The following BCAS4 variants were observed in gnomAD, a reference collection of about 807,000 sequenced individuals.
The protein encoded by BCAS4 is breast carcinoma-amplified sequence 4.
BCAS4 carries 9 observed loss-of-function variants against 15.7 expected under a neutral mutation model. The observed-to-expected ratio is 0.57, with a 90% confidence interval of 0.34 to 1.00. The LOEUF (loss-of-function observed/expected upper bound fraction) is 1.00. Ranked by LOEUF, BCAS4 falls within the 50% of genes least tolerant of loss-of-function variation. The pLI is 0.02. For synonymous variants in BCAS4, 101 were observed against 99.5 expected (o/e 1.02, Z -0.09); for missense variants, 225 against 239.1 (o/e 0.94, Z 0.39).
At chr20:50,864,961 C>T (rs1415722998) in intron 4 of BCAS4, among the ~76,000 whole-genome samples, 5 of 151,754 alleles carry the variant, frequency 3.3e-5, no homozygotes, top group African/African-American at 4.8e-5. Context: ...GGCATGGTGG[C>T]GCATGCCTGT....
chr20:50,848,331 G>A (rs536437890), intron 4 of BCAS4, among the ~76,000 whole-genome samples: 1 of 152,310 alleles, frequency 6.6e-6, no homozygotes, highest in East Asian at 1.9e-4. Flanking sequence ...AGGAGGGGCT[G>A]TGGAAGCTGA....
rs764675901 is a variant in BCAS4 at position 50,841,941 on chromosome 20, C to T, written c.399+41C>T. ...CGAGAAGTGAGGGGAGGGCCTCTCC[C>T]CCTTCGCTCCGCAGACCCCAGCGTG... On this transcript the variant is annotated intron_variant, in intron 4 of 4. Coordinates refer to ENST00000371608, the MANE Select transcript of BCAS4 (RefSeq NM_198799.4). 1.2e-5 allele frequency: 19 copies of T among 1,522,978 alleles called. 1 individual carries two copies. The Admixed American group carries it at 1.7e-4, about 13-fold the overall frequency. The allele number at this position is 1,522,978 out of a possible 1,614,324, so 94.3% of individuals were successfully genotyped here.
At chr20:50,819,901 A>G (rs1252625831) in intron 2 of BCAS4, among the ~76,000 whole-genome samples, 2 of 151,434 alleles carry the variant, frequency 1.3e-5, no homozygotes, top group African/African-American at 2.4e-5. Flanking sequence ...CCCAGGCTGG[A>G]GTGCCGTGAT....
intron 3 of BCAS4, among the ~76,000 whole-genome samples, chr20:50,838,264 C>G (rs142716137): frequency 6.6e-6 from 1 of 152,232 alleles, no homozygotes; most frequent in African/African-American, 2.4e-5. Flanking sequence ...TCAGCAGCTT[C>G]TGTTTTAGAA....
At chr20:50,816,866 G>A (rs1275096885) in intron 1 of BCAS4, among the ~76,000 whole-genome samples, 2 of 135,604 alleles carry the variant, frequency 1.5e-5, no homozygotes, top group South Asian at 2.4e-4. Context: ...GTGCAGTGGT[G>A]TGACCTTGGC....
At chr20:50,875,068 T>C (rs1979853465) in intron 4 of BCAS4, among the ~76,000 whole-genome samples, 2 of 152,204 alleles carry the variant, frequency 1.3e-5, no homozygotes, top group African/African-American at 4.8e-5. Context: ...GCCGTGGTCC[T>C]TACAACCTGG....
chr20:50,854,987 C>CT (rs762223677), intron 4 of BCAS4, among the ~76,000 whole-genome samples: 50 of 152,372 alleles, frequency 3.3e-4, no homozygotes, highest in South Asian at 1.0e-3. Flanking sequence ...CAGGAGCACG[C>CT]CGGTGCTCAG....
chr20:50,840,435 C>T (rs548804403), intron 3 of BCAS4: 27 of 756,278 alleles, frequency 3.6e-5, no homozygotes, highest in African/African-American at 1.9e-4. Context: ...GCCAGATAGA[C>T]AGATGGGAGA....
chr20:50,795,326 C>A lies in BCAS4; in HGVS notation c.90+153C>A, dbSNP rs527771676. 3.1e-3 allele frequency among the ~76,000 whole-genome samples: 476 copies of A among 152,264 alleles called. 3 individuals are homozygous for A. The highest frequency in any genetic ancestry group is 0.011 in the African/African-American group (458 of 41,574). On this transcript the variant is annotated intron_variant, in intron 1 of 4. Coordinates refer to ENST00000371608, the MANE Select transcript of BCAS4 (RefSeq NM_198799.4). Reference sequence around the variant, plus strand: ...TGAAGGGTGGCTGCGGGGCGCCACGCAGAGATGTGCAGCGGGTCGTCCCTG... The same window carrying A: ...TGAAGGGTGGCTGCGGGGCGCCACGAAGAGATGTGCAGCGGGTCGTCCCTG...
intron 4 of BCAS4, among the ~76,000 whole-genome samples, chr20:50,854,460 C>T (rs1303531284): frequency 6.6e-6 from 1 of 152,156 alleles, no homozygotes; most frequent in Non-Finnish European, 1.5e-5. Flanking sequence ...CTGCGCTGAC[C>T]TCATTACTCA....
chr20:50,812,358 C>G (rs2088078182), intron 1 of BCAS4, among the ~76,000 whole-genome samples: 1 of 150,432 alleles, frequency 6.6e-6, no homozygotes, highest in Non-Finnish European at 1.5e-5. Context: ...TGGTCTCGAT[C>G]TCCTGACGTT....
intron 1 of BCAS4, among the ~76,000 whole-genome samples, chr20:50,807,367 A>C (rs1027541513): frequency 7.4e-6 from 1 of 134,674 alleles, no homozygotes; most frequent in Non-Finnish European, 1.6e-5. Flanking sequence ...TAATTTTTGT[A>C]CTTTTTTGTA....
intron 3 of BCAS4, among the ~76,000 whole-genome samples, chr20:50,831,065 GTGA>G (rs1450596506): frequency 6.6e-6 from 1 of 152,108 alleles, no homozygotes; most frequent in East Asian, 1.9e-4. Context: ...TCGACATCAT[GTGA>G]TGATGACCCA....
At chr20:50,848,737 C>T (rs1446952598) in intron 4 of BCAS4, among the ~76,000 whole-genome samples, 1 of 152,244 alleles carries the variant, frequency 6.6e-6, no homozygotes, top group Non-Finnish European at 1.5e-5. Context: ...GGGTGCCCTC[C>T]AGGCTGCAGG....
rs149214702 is a variant in BCAS4, at chr20:50,854,331, T to C, written c.399+12431T>C. Among the ~76,000 whole-genome samples, 94 of 152,242 alleles carry C rather than the reference T, an allele frequency of 6.2e-4. No homozygotes were observed. In the Middle Eastern group the frequency reaches 0.014, roughly 22 times the overall value. ...TGAACGTGCATGATTTGCTTTCCAT[T>C]TGGCAGCTTCTATGTAGCAGTATTC... On this transcript the variant is annotated intron_variant, in intron 4 of 4. Transcript: ENST00000371608.
Position 50,867,340 on chromosome 20 carries a change from G to A in BCAS4, c.400-9146G>A, listed in dbSNP as rs530336757. ...GTTTGGTTTGGTGTTTTTGGTCTTG[G>A]GCTTTTGTTGTTGTTGTTGTGTTTG... On this transcript the variant is annotated intron_variant, in intron 4 of 4. Coordinates refer to ENST00000371608, the MANE Select transcript of BCAS4 (RefSeq NM_198799.4). 1.3e-4 allele frequency among the ~76,000 whole-genome samples: 20 copies of A among 152,120 alleles called. No individual in the cohort carries two copies. In the South Asian group the frequency reaches 4.0e-3, roughly 30 times the overall value.
intron 1 of BCAS4, among the ~76,000 whole-genome samples, chr20:50,796,464 TATATATATATATATATATATATA>T (rs1327946007): frequency 1.0e-3 from 12 of 11,652 alleles, no homozygotes; most frequent in South Asian, 8.1e-3. Flanking sequence ...TATATATATA[TATATATATATATATATATATATA>T]TTTTTTTTTT....
At chr20:50,845,904 G>T (rs1176884669) in intron 4 of BCAS4, among the ~76,000 whole-genome samples, 1 of 152,238 alleles carries the variant, frequency 6.6e-6, no homozygotes, top group Non-Finnish European at 1.5e-5. Flanking sequence ...CGCTGCCCAG[G>T]TGACTTGGTG....
In BCAS4 at chr20:50,840,856, T is replaced by C. The variant is rs189915441; in HGVS notation, c.265-910T>C. On this transcript the variant is annotated intron_variant, in intron 3 of 4. Transcript: ENST00000371608. ...TTTTATTTATTTTTTTGAGACGGAG[T>C]TTCACTCTTGTCGCGCAGGCTGGAC... 4.6e-5 allele frequency: 40 copies of C among 872,550 alleles called. No homozygotes were observed. The Middle Eastern group carries it at 1.0e-3, about 23-fold the overall frequency. The allele number at this position is 872,550 out of a possible 1,614,324, so 54.1% of individuals were successfully genotyped here.
Sources: allele counts gnomAD v4.1 joint callset (sites outside exome capture counted in the v4.1 genomes callset), GRCh38; gene constraint gnomAD v4.1.1; transcripts MANE v1.5; gene names NCBI Gene and HGNC (gene_info 2026-07-23, HGNC 2026-07-21).